RNF43: variants seen among roughly 807,000 people sequenced by gnomAD.
RNF43 encodes the protein E3 ubiquitin-protein ligase RNF43.
Under a neutral mutation model 78.4 loss-of-function variants are expected in RNF43, and 37 were observed. The observed-to-expected ratio is 0.47, with a 90% CI of 0.36 to 0.62. The LOEUF is 0.62. Among genes scored for constraint, RNF43 ranks in the 20% least tolerant of loss-of-function variants. The pLI, the probability that RNF43 is intolerant of heterozygous loss-of-function variation, is 0.00. For synonymous variants in RNF43, 347 were observed against 395.0 expected (o/e 0.88, Z 1.44); for missense variants, 774 against 1,007.9 (o/e 0.77, Z 3.14).
In RNF43 at chr17:58,390,729, G is replaced by A. The variant is rs553652521; in HGVS notation, c.253-19696C>T. ...ATTCTAAAAGAGGTTTAATGATCCC[G>A]TTTACTAAGTGCCTAGAATACTCAA... On this transcript the variant is annotated intron_variant, in intron 2 of 9. Transcript: ENST00000407977. 7.9e-5 allele frequency among the ~76,000 whole-genome samples: 12 copies of A among 152,210 alleles called. No individual in the cohort carries two copies. In the South Asian group the frequency reaches 1.7e-3, roughly 21 times the overall value.
At position 58,357,692 on chromosome 17, in the gene RNF43, T is replaced by G; in HGVS notation, c.2084A>C (p.Glu695Ala). 4 of 1,611,990 alleles carry G rather than the reference T, an allele frequency of 2.5e-6. No individual in the cohort carries two copies. Among genetic ancestry groups the G allele is most frequent in the Non-Finnish European group, 2.5e-6 (3 of 1,178,808 alleles). ...TPSVAYPWSPEAHPLICGPPG... is the reference protein window; with the variant it reads ...TPSVAYPWSPAAHPLICGPPG... The stretch of plus-strand genomic sequence containing the variant: ...AGGTCCACAGATCAAGGGGTGTGCC[T>G]CTGGGGACCAAGGATATGCCACACT... The change falls in exon 9 of 10, where the codon GAG (glutamate) becomes GCG (alanine). Residue 695 changes from glutamate to alanine, a missense_variant. Glu to Ala is a moderately radical substitution (Grantham distance 107). Coordinates refer to ENST00000407977, the MANE Select transcript of RNF43 (RefSeq NM_017763.6). This position sits in a 1 kb window ranked among gnomAD's most constrained non-coding sequence, Gnocchi z 4.5.
At chr17:58,409,729 TG>T (rs1973985039) in intron 2 of RNF43, among the ~76,000 whole-genome samples, 2 of 151,900 alleles carry the variant, frequency 1.3e-5, no homozygotes, top group African/African-American at 4.8e-5. Context: ...TACAAAAAAT[TG>T]AAATATTAGC....
At chr17:58,389,684 C>A (rs1264633843) in intron 2 of RNF43, among the ~76,000 whole-genome samples, 1 of 152,190 alleles carries the variant, frequency 6.6e-6, no homozygotes, top group Non-Finnish European at 1.5e-5. Flanking sequence ...ATTTACATAT[C>A]ACTTCAGTAT....
At chr17:58,386,999 C>T (rs747426661) in intron 2 of RNF43, among the ~76,000 whole-genome samples, 8 of 152,036 alleles carry the variant, frequency 5.3e-5, no homozygotes, top group Non-Finnish European at 8.8e-5. Context: ...TTTATAATCC[C>T]GCATAGCACA....
At chr17:58,371,088 G>C (rs1395317582) in intron 2 of RNF43, 55 bp from the exon 3 acceptor site, 1 of 1,498,126 alleles carries the variant, frequency 6.7e-7, no homozygotes, top group Non-Finnish European at 9.0e-7. Context: ...GGAGTGAGCT[G>C]TGAGAGCCAT....
intron 2 of RNF43, among the ~76,000 whole-genome samples, chr17:58,409,403 T>TA (rs1021022011): frequency 1.3e-5 from 2 of 152,144 alleles, no homozygotes; most frequent in African/African-American, 4.8e-5. Flanking sequence ...TATAACATTT[T>TA]AAAAAATCTA....
intron 2 of RNF43, among the ~76,000 whole-genome samples, chr17:58,410,113 A>G (rs1342581019): frequency 6.6e-6 from 1 of 151,918 alleles, no homozygotes; most frequent in Admixed American, 6.6e-5. Flanking sequence ...TATTAACCAG[A>G]TATGTACGAA....
chr17:58,394,547 G>A (rs1973633168), intron 2 of RNF43, among the ~76,000 whole-genome samples: 1 of 152,222 alleles, frequency 6.6e-6, no homozygotes, highest in Admixed American at 6.5e-5. Flanking sequence ...CCAGATAGTT[G>A]AACAATCCTC....
chr17:58,390,593 T>C (rs936426393), intron 2 of RNF43, among the ~76,000 whole-genome samples: 2 of 152,288 alleles, frequency 1.3e-5, no homozygotes, highest in African/African-American at 4.8e-5. Flanking sequence ...TCTTTAGAAA[T>C]AGTAATCAGA....
intron 2 of RNF43, among the ~76,000 whole-genome samples, chr17:58,390,991 A>G (rs773879940): frequency 7.2e-5 from 11 of 152,210 alleles, no homozygotes; most frequent in Non-Finnish European, 1.2e-4. Context: ...TCTCTAGTAC[A>G]TATCTACAGT....
chr17:58,356,448 AAGAG>A (rs1354197839), intron 9 of RNF43, among the ~76,000 whole-genome samples: 1 of 152,174 alleles, frequency 6.6e-6, no homozygotes, highest in Non-Finnish European at 1.5e-5. Flanking sequence ...CTGAATGGAA[AAGAG>A]AGATATGTGG....
intron 2 of RNF43, among the ~76,000 whole-genome samples, chr17:58,377,404 G>A (rs1490696396): frequency 6.6e-6 from 1 of 152,006 alleles, no homozygotes; most frequent in Non-Finnish European, 1.5e-5. Context: ...GCGCATTCTG[G>A]GACAGCTCAT....
chr17:58,416,150 A>G (rs1191692289), intron 1 of RNF43, 188 bp from the exon 2 acceptor site: 2 of 162,484 alleles, frequency 1.2e-5, no homozygotes, highest in East Asian at 2.9e-4. Flanking sequence ...AGAGGGAACA[A>G]TAATAAAAAT....
At chr17:58,410,395 G>A (rs1974005165) in intron 2 of RNF43, among the ~76,000 whole-genome samples, 1 of 152,216 alleles carries the variant, frequency 6.6e-6, no homozygotes, top group Non-Finnish European at 1.5e-5. Flanking sequence ...TGTGCGCACA[G>A]AGGAACTGTG....
chr17:58,368,849 G>A (rs1403427908), intron 3 of RNF43, among the ~76,000 whole-genome samples: 1 of 151,980 alleles, frequency 6.6e-6, no homozygotes, highest in Non-Finnish European at 1.5e-5. Flanking sequence ...ACAAAACCAA[G>A]TACTTGAGGT....
chr17:58,357,291 T>C lies in RNF43; in HGVS notation c.2308+177A>G. 1.2e-6 allele frequency: 1 copy of C among 813,608 alleles called. No homozygotes were observed. The highest frequency in any genetic ancestry group is 2.1e-6 in the Non-Finnish European group (1 of 484,252). The allele number at this position is 813,608 out of a possible 1,614,324, so 50.4% of individuals were successfully genotyped here. A position where few individuals can be genotyped will look rare whatever the true frequency, so the allele number is the denominator to read the frequency against. On this transcript the variant is annotated intron_variant, in intron 9 of 9. Coordinates refer to ENST00000407977, the MANE Select transcript of RNF43 (RefSeq NM_017763.6). This position sits in a 1 kb window ranked among gnomAD's most constrained non-coding sequence, Gnocchi z 4.5. ...GGGGTAGCACCTGGCAGAGGTGGGG[T>C]GTTCCTGCACTCTAGCCAGCATGAT...
rs1025776873 is a variant in RNF43 at position 58,357,970 on chromosome 17, G to A, written c.1806C>T (p.Asn602=). ...AGAGCCGCCCCGAAGGGGCTGCTGA[G>A]TTGGATCTGGTGACTTGCTGATCAG... ...PSPDQQVTRS[N]SAAPSGRLSN... The change falls in exon 9 of 10, where the codon AAC becomes AAT. Residue 602 remains asparagine, a synonymous_variant. Transcript: ENST00000407977. This position sits in a 1 kb window ranked among gnomAD's most constrained non-coding sequence, Gnocchi z 4.5. The A allele has an allele frequency of 8.1e-6, 13 of 1,610,166 alleles. No homozygotes were observed. The highest frequency in any genetic ancestry group is 5.4e-5 in the African/African-American group (4 of 74,746).
chr17:58,393,172 C>T (rs781238772), intron 2 of RNF43, among the ~76,000 whole-genome samples: 8 of 152,176 alleles, frequency 5.3e-5, no homozygotes, highest in Non-Finnish European at 8.8e-5. Context: ...CTTTTGGAGG[C>T]CAAGGTGGGT....
Position 58,358,966 on chromosome 17 carries a change from C to T in RNF43, c.953-143G>A. 1.1e-6 allele frequency: 1 copy of T among 901,660 alleles called. No individual in the cohort carries two copies. The highest frequency in any genetic ancestry group is 1.6e-6 in the Non-Finnish European group (1 of 631,180). 55.9% of individuals were successfully genotyped at this position (901,660 alleles called of 1,614,324 possible). On this transcript the variant is annotated intron_variant, in intron 8 of 9. Transcript: ENST00000407977. The surrounding 1 kb of genome is among the most constrained non-coding windows in gnomAD (Gnocchi z 6.2). ...TTGGGGGATCAAGGACGTGCCTAAG[C>T]TGCCTGTGCTCTGGGACTCCTTTGT...
Sources: gnomAD v4.1 joint callset for allele counts (sites outside exome capture counted in the v4.1 genomes callset) on GRCh38, gnomAD v4.1.1 for gene constraint, Gnocchi (gnomAD v3.1) non-coding constraint, MANE v1.5 for transcripts, NCBI Gene and HGNC (gene_info 2026-07-23, HGNC 2026-07-21) for gene names.